Variants in IPO11 observed in about 807,000 individuals in gnomAD.
The protein encoded by IPO11 is importin 11.
A neutral mutation model predicts 143.2 loss-of-function variants in IPO11; 66 were observed. The ratio of observed to expected loss-of-function variants is 0.46; its 90% CI spans 0.38 to 0.57. IPO11 has a LOEUF of 0.57. IPO11 is among the 20% of genes least tolerant of loss of function. The probability of loss-of-function intolerance (pLI) is 0.00; values close to 1 mark genes in which losing one functional copy is unlikely to be tolerated. For synonymous variants in IPO11, 385 were observed against 377.8 expected (o/e 1.02, Z -0.22); for missense variants, 1,026 against 1,141.0 (o/e 0.90, Z 1.45).
At chr5:62,470,384 A>G (rs1745722814) in intron 7 of IPO11, 76 bp downstream of exon 7, 2 of 1,261,492 alleles carry the variant, frequency 1.6e-6, no homozygotes, top group South Asian at 2.4e-5. Flanking sequence ...TGCTCTTTTT[A>G]TTTGGCATTC....
chr5:62,574,217 A>C (rs1394683804), intron 27 of IPO11, among the ~76,000 whole-genome samples: 1 of 152,138 alleles, frequency 6.6e-6, no homozygotes, highest in East Asian at 1.9e-4. Flanking sequence ...ATAATTTCAC[A>C]AAGGTTATTA....
intron 16 of IPO11, among the ~76,000 whole-genome samples, chr5:62,499,329 T>A (rs951595456): frequency 3.9e-5 from 6 of 152,132 alleles, no homozygotes; most frequent in Non-Finnish European, 7.4e-5. Context: ...AAAGGTACAG[T>A]AAGAATATAA....
rs76134320 is a variant in IPO11 at position 62,529,698 on chromosome 5, T to C, written c.2013-1011T>C. 1.4e-4 allele frequency among the ~76,000 whole-genome samples: 21 copies of C among 152,350 alleles called. No homozygotes were observed. In the East Asian group the frequency reaches 4.0e-3, roughly 29 times the overall value. On this transcript the variant is annotated intron_variant, in intron 21 of 29. Transcript: ENST00000325324. ...TGGGGGCCAGGGGTTCTTTACAGTT[T>C]TGATAGCATCATCAGGTTATTCCTT...
At chr5:62,484,549 A>C (rs1256110512) in intron 11 of IPO11, among the ~76,000 whole-genome samples, 1 of 148,612 alleles carries the variant, frequency 6.7e-6, no homozygotes, top group Non-Finnish European at 1.5e-5. Context: ...TTTGATGAAT[A>C]GTTTTTTTTT....
chr5:62,463,016 T>C (rs1392603475), intron 5 of IPO11, among the ~76,000 whole-genome samples: 1 of 152,028 alleles, frequency 6.6e-6, no homozygotes. Context: ...CTTATATGTA[T>C]ATGAATATAT....
chr5:62,426,931 G>GGT (rs1554046636), intron 1 of IPO11, among the ~76,000 whole-genome samples: 1 of 90,254 alleles, frequency 1.1e-5, no homozygotes, highest in African/African-American at 4.3e-5. Flanking sequence ...TTTTCTTTCT[G>GGT]TTTTTTTTTT....
chr5:62,415,141 C>T (rs1743241637), intron 1 of IPO11, among the ~76,000 whole-genome samples: 1 of 152,288 alleles, frequency 6.6e-6, no homozygotes, highest in South Asian at 2.1e-4. Context: ...TCCTGTTTAT[C>T]ATGGTGGCTA....
intron 4 of IPO11, 140 bp downstream of exon 4, chr5:62,450,139 A>G: frequency 1.9e-6 from 1 of 537,512 alleles, no homozygotes; most frequent in South Asian, 3.9e-5. Context: ...CTATTTTTAA[A>G]TTTTGAGATC....
chr5:62,514,042 G>T (rs531356424), intron 19 of IPO11, among the ~76,000 whole-genome samples: 10 of 151,584 alleles, frequency 6.6e-5, no homozygotes, highest in African/African-American at 2.4e-4. Flanking sequence ...ATGGGGGCCG[G>T]GACGAGGCGC....
At chr5:62,462,898 A>C (rs1354870810) in intron 5 of IPO11, among the ~76,000 whole-genome samples, 2 of 139,438 alleles carry the variant, frequency 1.4e-5, no homozygotes, top group Non-Finnish European at 3.1e-5. Context: ...TTTTTTTTTC[A>C]GTGAGTCTGG....
At chr5:62,513,949 A>G (rs1237361623) in intron 19 of IPO11, among the ~76,000 whole-genome samples, 8 of 145,004 alleles carry the variant, frequency 5.5e-5, no homozygotes, top group Non-Finnish European at 9.1e-5. Flanking sequence ...CTCACATCCC[A>G]GACGGGGCGG....
chr5:62,580,878 A>G (rs1242740404), intron 27 of IPO11: 2 of 1,551,408 alleles, frequency 1.3e-6, no homozygotes, highest in South Asian at 1.2e-5. Context: ...AGACTACAGC[A>G]GTGTTACCTG....
chr5:62,621,876 G>T (rs1463839737), intron 29 of IPO11, among the ~76,000 whole-genome samples: 1 of 151,026 alleles, frequency 6.6e-6, no homozygotes, highest in African/African-American at 2.4e-5. Context: ...GTCAAACAAT[G>T]ATTAAAAAAA....
At chr5:62,522,581 G>A (rs952864971) in intron 20 of IPO11, among the ~76,000 whole-genome samples, 1 of 152,160 alleles carries the variant, frequency 6.6e-6, no homozygotes, top group Non-Finnish European at 1.5e-5. Flanking sequence ...CACTGCTCCC[G>A]GCCATAATTG....
intron 19 of IPO11, among the ~76,000 whole-genome samples, chr5:62,514,347 C>T (rs1186341332): frequency 6.6e-6 from 1 of 152,040 alleles, no homozygotes; most frequent in Non-Finnish European, 1.5e-5. Flanking sequence ...CCTGGCACCT[C>T]GGGAGGCCGA....
chr5:62,431,422 C>T (rs926056494), intron 1 of IPO11, among the ~76,000 whole-genome samples: 1 of 152,110 alleles, frequency 6.6e-6, no homozygotes, highest in Non-Finnish European at 1.5e-5. Context: ...CAAAGTCTTG[C>T]TCTGTCACCC....
At chr5:62,592,574 A>C (rs1745064782) in intron 28 of IPO11, among the ~76,000 whole-genome samples, 1 of 152,166 alleles carries the variant, frequency 6.6e-6, no homozygotes, top group African/African-American at 2.4e-5. Context: ...TGGCTGTATT[A>C]GTCCATTCTC....
At chr5:62,479,623 C>T (rs955309728) in intron 9 of IPO11, among the ~76,000 whole-genome samples, 5 of 152,088 alleles carry the variant, frequency 3.3e-5, no homozygotes, top group South Asian at 2.1e-4. Flanking sequence ...TTTTAATGGT[C>T]GCCATTCTAA....
Position 62,535,708 on chromosome 5 carries a change from T to C in IPO11, c.2090-994T>C, listed in dbSNP as rs200039123. ...ATTGTCATTCTTTTGTGAAAATAAA[T>C]GGAAAATTCACATCTGAATAGAATG... is the stretch of plus-strand genomic sequence containing the variant. On this transcript the variant is annotated intron_variant, in intron 22 of 29. Coordinates refer to ENST00000325324, the MANE Select transcript of IPO11 (RefSeq NM_016338.5). Among the ~76,000 whole-genome samples, 5 of 152,246 alleles carry C rather than the reference T, an allele frequency of 3.3e-5. No homozygotes were observed. The East Asian group carries it at 9.6e-4, about 29-fold the overall frequency.
Sources: allele counts gnomAD v4.1 joint callset (sites outside exome capture counted in the v4.1 genomes callset), GRCh38; gene constraint gnomAD v4.1.1; transcripts MANE v1.5; gene names NCBI Gene and HGNC (gene_info 2026-07-23, HGNC 2026-07-21).